Variants in ZKSCAN5 observed in about 807,000 individuals in gnomAD.
ZKSCAN5 encodes the protein zinc finger protein with KRAB and SCAN domains 5.
Under a neutral mutation model 60.0 loss-of-function variants are expected in ZKSCAN5, and 28 were observed. The ratio of observed to expected loss-of-function variants is 0.47; its 90% CI spans 0.35 to 0.64. ZKSCAN5 has a LOEUF of 0.64. Among genes scored for constraint, ZKSCAN5 ranks in the 30% least tolerant of loss-of-function variants. The probability of loss-of-function intolerance (pLI) is 0.01; values close to 1 mark genes in which losing one functional copy is unlikely to be tolerated. For synonymous variants in ZKSCAN5, 361 were observed against 371.2 expected (o/e 0.97, Z 0.31); for missense variants, 881 against 1,034.6 (o/e 0.85, Z 2.04).
intron 2 of ZKSCAN5, among the ~76,000 whole-genome samples, chr7:99,511,766 C>T (rs1201316448): frequency 1.4e-5 from 1 of 69,840 alleles, no homozygotes; most frequent in South Asian, 4.6e-4. Flanking sequence ...GTCACTTCTA[C>T]GTTTTTCCCG....
intron 3 of ZKSCAN5, among the ~76,000 whole-genome samples, chr7:99,514,892 CAA>C (rs1184017096): frequency 2.7e-5 from 4 of 147,912 alleles, no homozygotes; most frequent in South Asian, 2.1e-4. Context: ...GCCTGGGTGA[CAA>C]GAGCAAAACT....
At chr7:99,506,486 A>G (rs759297757) in intron 2 of ZKSCAN5, 28 bp downstream of exon 2, 4 of 1,583,038 alleles carry the variant, frequency 2.5e-6, no homozygotes, top group Non-Finnish European at 3.4e-6. Context: ...TATATGAGCA[A>G]TGAAGGAGAG....
Position 99,506,245 on chromosome 7 carries a change from T to G in ZKSCAN5, c.201T>G (p.Ala67=), listed in dbSNP as rs1454581497. 2 of 1,614,146 alleles carry G rather than the reference T, an allele frequency of 1.2e-6. No homozygotes were observed. The highest frequency in any genetic ancestry group is 1.7e-6 in the Non-Finnish European group (2 of 1,180,028). ...QYHEASGPRE[A]LSQLRVLCCE... is the part of the protein sequence containing the mutation. Reference sequence around the variant, plus strand: ...ATGAGGCTTCAGGACCCCGGGAGGCTCTCAGCCAACTCCGGGTGCTCTGCT... The same window carrying G: ...ATGAGGCTTCAGGACCCCGGGAGGCGCTCAGCCAACTCCGGGTGCTCTGCT... The change falls in exon 2 of 7, where the codon GCT becomes GCG. Residue 67 remains alanine, a synonymous_variant. Transcript: ENST00000326775.
At position 99,531,824 on chromosome 7, in the gene ZKSCAN5, A is replaced by G. The variant is rs762505419; in HGVS notation, c.2095A>G (p.Ser699Gly). 4 of 1,614,114 alleles carry G rather than the reference A, an allele frequency of 2.5e-6. No homozygotes were observed. The highest frequency in any genetic ancestry group is 1.3e-5 in the African/African-American group (1 of 74,936). Residue 699 changes from serine (S) to glycine (G), a missense_variant, in exon 7 of 7, where the codon AGT (serine) becomes GGT (glycine). Physicochemically the swap from Ser to Gly is moderately conservative, Grantham distance 56. Transcript: ENST00000326775. ...EKNGICEEAY[S>G]WNLTVIEDKK... ...AAATGGCATCTGTGAGGAAGCATAT[A>G]GTTGGAACTTGACAGTGATTGAAGA... is the stretch of plus-strand genomic sequence containing the variant.
intron 3 of ZKSCAN5, among the ~76,000 whole-genome samples, chr7:99,516,445 C>T (rs963566018): frequency 1.3e-5 from 2 of 152,070 alleles, no homozygotes; most frequent in East Asian, 1.9e-4. Context: ...ACCATTGTCC[C>T]GTCCTTTTTG....
chr7:99,507,533 A>ATATATATG (rs1422724416), intron 2 of ZKSCAN5, among the ~76,000 whole-genome samples: 1,555 of 112,892 alleles, frequency 0.014, 31 homozygotes, highest in African/African-American at 0.062. Context: ...GTATATGTGT[A>ATATATATG]TATATATATG....
intron 2 of ZKSCAN5, 39 bp from the exon 3 acceptor site, chr7:99,512,414 T>C: frequency 1.3e-6 from 2 of 1,573,264 alleles, no homozygotes; most frequent in Non-Finnish European, 1.7e-6. Flanking sequence ...CGTGGCCTTC[T>C]CTGTAACTGT....
chr7:99,533,254 G>T lies in ZKSCAN5; in HGVS notation c.*1005G>T. 1 of 690,220 alleles carries T rather than the reference G, an allele frequency of 1.4e-6. No homozygotes were observed. The highest frequency in any genetic ancestry group is 1.5e-5 in the South Asian group (1 of 66,260). The allele number at this position is 690,220 out of a possible 1,614,324, so 42.8% of individuals were successfully genotyped here. On this transcript the variant is annotated 3_prime_UTR_variant, in exon 7 of 7. Transcript: ENST00000326775. ...GCTGGGATTGAAAGTAATCAGTCGT[G>T]AGCAGGCAGGCAGGAGGTCCTGTTA...
At chr7:99,507,677 ATCACT>A (rs1800832583) in intron 2 of ZKSCAN5, among the ~76,000 whole-genome samples, 2 of 151,172 alleles carry the variant, frequency 1.3e-5, no homozygotes, top group Non-Finnish European at 2.9e-5. Context: ...AGGTGGGAGG[ATCACT>A]TAAGACCAGG....
chr7:99,525,643 C>T (rs1281149224), intron 5 of ZKSCAN5, among the ~76,000 whole-genome samples, 170 bp from the exon 6 acceptor site: 1 of 151,898 alleles, frequency 6.6e-6, no homozygotes, highest in Non-Finnish European at 1.5e-5. Flanking sequence ...CTTCCCTAAC[C>T]TCCCTCACTT....
chr7:99,517,918 G>A (rs1801336848), intron 3 of ZKSCAN5, among the ~76,000 whole-genome samples: 1 of 152,202 alleles, frequency 6.6e-6, no homozygotes, highest in Admixed American at 6.5e-5. Context: ...CACGGGCCGT[G>A]GGTTGGGCAA....
At chr7:99,513,059 T>C (rs571272059) in intron 3 of ZKSCAN5, among the ~76,000 whole-genome samples, 1 of 145,016 alleles carries the variant, frequency 6.9e-6, no homozygotes, top group African/African-American at 2.5e-5. Flanking sequence ...TTCCCACCTA[T>C]GAGTGAGAAT....
At chr7:99,526,521 G>C (rs1481217848) in intron 6 of ZKSCAN5, 103 bp downstream of exon 6, 1 of 1,493,284 alleles carries the variant, frequency 6.7e-7, no homozygotes, top group Non-Finnish European at 8.9e-7. Flanking sequence ...ATACTGGGGG[G>C]GGTAGGAAGA....
intron 3 of ZKSCAN5, among the ~76,000 whole-genome samples, chr7:99,519,109 G>A (rs1397611083): frequency 6.6e-6 from 1 of 150,852 alleles, no homozygotes; most frequent in Non-Finnish European, 1.5e-5. Context: ...TTGAGTAGCT[G>A]GGACTACAGG....
In ZKSCAN5 at chr7:99,525,918, A is replaced by G. The variant is rs759711701; in HGVS notation, c.878A>G (p.Asp293Gly). ...CACACCGAAAGGAGCGTTCCTCAGG[A>G]TCCAGACTTTGCAGAAGTCAGTGAC... ...PEHTERSVPQ[D>G]PDFAEVSDLK... is the part of the protein sequence containing the mutation. The change falls in exon 6 of 7, where the codon GAT becomes GGT. Residue 293 changes from aspartate (D) to glycine (G), a missense_variant. Asp to Gly is a moderately conservative substitution (Grantham distance 94). Coordinates refer to ENST00000326775, the MANE Select transcript of ZKSCAN5 (RefSeq NM_145102.4). 3.1e-6 allele frequency: 5 copies of G among 1,614,082 alleles called. No homozygotes were observed. The South Asian group carries it at 4.4e-5, about 14-fold the overall frequency.
At chr7:99,508,383 C>T (rs1800863099) in intron 2 of ZKSCAN5, among the ~76,000 whole-genome samples, 1 of 151,970 alleles carries the variant, frequency 6.6e-6, no homozygotes, top group Admixed American at 6.6e-5. Context: ...GTACCACCAA[C>T]AATGTATGAG....
chr7:99,517,558 G>A (rs1049789096), intron 3 of ZKSCAN5, among the ~76,000 whole-genome samples: 3 of 152,132 alleles, frequency 2.0e-5, no homozygotes, highest in African/African-American at 7.2e-5. Flanking sequence ...GCACATGCCT[G>A]TAATCCCAGC....
intron 6 of ZKSCAN5, among the ~76,000 whole-genome samples, chr7:99,530,484 T>C (rs748243709): frequency 1.3e-5 from 2 of 152,200 alleles, no homozygotes; most frequent in African/African-American, 2.4e-5. Context: ...ACTGTCTCCA[T>C]GTCATTTGCC....
In ZKSCAN5 at chr7:99,530,654, T is replaced by C. The variant is rs145537014; in HGVS notation, c.1379-454T>C. ...CAGAAAATTCCAAAAGTTTGTTGTT[T>C]ACATTCCTGTTGGCATCAAGTACAC... On this transcript the variant is annotated intron_variant, in intron 6 of 6. Coordinates refer to ENST00000326775, the MANE Select transcript of ZKSCAN5 (RefSeq NM_145102.4). 2.6e-3 allele frequency among the ~76,000 whole-genome samples: 401 copies of C among 152,314 alleles called. 1 individual carries two copies. The highest frequency in any genetic ancestry group is 9.3e-3 in the African/African-American group (387 of 41,572).
Sources: allele counts gnomAD v4.1 joint callset (sites outside exome capture counted in the v4.1 genomes callset), GRCh38; gene constraint gnomAD v4.1.1; transcripts MANE v1.5; gene names NCBI Gene and HGNC (gene_info 2026-07-23, HGNC 2026-07-21).